Variants in TMED4 observed in about 807,000 individuals in gnomAD.
The protein encoded by TMED4 is transmembrane p24 trafficking protein 4, also known as transmembrane emp24 domain-containing protein 4.
Under a neutral mutation model 26.5 loss-of-function variants are expected in TMED4, and 19 were observed. The observed-to-expected ratio is 0.72, with a 90% CI of 0.50 to 1.05. TMED4 has a LOEUF of 1.05. Ranked by LOEUF, TMED4 falls within the 50% of genes least tolerant of loss-of-function variation. TMED4 has a pLI of 0.00. For synonymous variants in TMED4, 121 were observed against 119.8 expected (o/e 1.01, Z -0.07); for missense variants, 303 against 302.5 (o/e 1.00, Z -0.01).
Position 44,578,313 on chromosome 7 carries a change from TACA to T in TMED4, c.*1163_*1165del, listed in dbSNP as rs1802877059. Reference sequence around the variant, plus strand: ...CTTATTTCATCTCAAACACAGCTATTACAACATGTTTTATTTCACTGGAAAATT... The same window carrying T: ...CTTATTTCATCTCAAACACAGCTATTACATGTTTTATTTCACTGGAAAATT... On this transcript the variant is annotated 3_prime_UTR_variant, in exon 5 of 5. Transcript: ENST00000457408. The T allele has an allele frequency of 6.6e-6, 1 of 152,194 alleles. No individual in the cohort carries two copies. The highest frequency in any genetic ancestry group is 2.4e-5 in the African/African-American group (1 of 41,440). The allele number at this position is 152,194 out of a possible 1,614,324, so 9.4% of individuals were successfully genotyped here.
Position 44,581,207 on chromosome 7 carries a change from A to G in TMED4, c.420T>C (p.His140=). ...RVHLDIQVGE[H]ANNYPEIAAK... The stretch of plus-strand genomic sequence containing the variant: ...CAGCAATCTCAGGGTAGTTGTTGGC[A>G]TGCTCCCCAACCTGGATGTCGAGAT... Residue 140 remains histidine (H), a synonymous_variant, in exon 4 of 5, where the codon CAT becomes CAC. Coordinates refer to ENST00000457408, the MANE Select transcript of TMED4 (RefSeq NM_182547.4). 1.2e-6 allele frequency: 2 copies of G among 1,614,098 alleles called. No individual in the cohort carries two copies. Among genetic ancestry groups the G allele is most frequent in the South Asian group, 1.1e-5 (1 of 91,090 alleles).
In TMED4 at chr7:44,581,832, C is replaced by A. The variant is rs1441666679; in HGVS notation, c.161-9G>T. ...CTGGGTACGATAGTTGCCTGCGGGG[C>A]AGACACATAGTCACGACCGGCCCTA... On this transcript the variant is annotated splice_polypyrimidine_tract_variant and intron_variant, in intron 1 of 4. Coordinates refer to ENST00000457408, the MANE Select transcript of TMED4 (RefSeq NM_182547.4). 1 of 1,613,722 alleles carries A rather than the reference C, an allele frequency of 6.2e-7. No individual in the cohort carries two copies. Among genetic ancestry groups the A allele is most frequent in the East Asian group, 2.2e-5 (1 of 44,894 alleles).
intron 4 of TMED4, 191 bp from the exon 5 acceptor site, chr7:44,579,819 A>G: frequency 2.1e-6 from 1 of 473,884 alleles, no homozygotes; most frequent in Non-Finnish European, 3.7e-6. Context: ...CTCCACAAGC[A>G]TCTCTGTTAG....
intron 3 of TMED4, 21 bp downstream of exon 3, chr7:44,581,428 C>T: frequency 6.2e-7 from 1 of 1,614,038 alleles, no homozygotes; most frequent in South Asian, 1.1e-5. Context: ...TAAGCTGAAG[C>T]CAAAGAGAAA....
chr7:44,578,889 A>G lies in TMED4; in HGVS notation c.*590T>C, dbSNP rs925484104. On this transcript the variant is annotated 3_prime_UTR_variant, in exon 5 of 5. Coordinates refer to ENST00000457408, the MANE Select transcript of TMED4 (RefSeq NM_182547.4). ...AAAAAAAAAAAAAAAAAAAAAAGGAAAAACAAAACCCAGAATGCAGAAACT... is the reference window on the plus strand; with the variant it reads ...AAAAAAAAAAAAAAAAAAAAAAGGAGAAACAAAACCCAGAATGCAGAAACT... 1.3e-5 allele frequency: 2 copies of G among 151,152 alleles called. No homozygotes were observed. The highest frequency in any genetic ancestry group is 4.9e-5 in the African/African-American group (2 of 40,990). The allele number at this position is 151,152 out of a possible 1,614,324, so 9.4% of individuals were successfully genotyped here.
chr7:44,579,714 C>T (rs1802920583), intron 4 of TMED4, 86 bp from the exon 5 acceptor site: 6 of 1,407,936 alleles, frequency 4.3e-6, no homozygotes, highest in Non-Finnish European at 5.9e-6. Context: ...TACTCAACTC[C>T]AGGACCAAAC....
In TMED4 at chr7:44,581,137, G is replaced by C. The variant is rs772733157; in HGVS notation, c.490C>G (p.Leu164Val). Reference sequence around the variant, plus strand: ...TTCTGAATCTGTTCCACCTGATCAAGCAACTGGCGGGCGCGGAGCTGTAGC... The same window carrying C: ...TTCTGAATCTGTTCCACCTGATCAACCAACTGGCGGGCGCGGAGCTGTAGC... Reference protein sequence around the residue: ...TELQLRARQLLDQVEQIQKEQ... With the variant: ...TELQLRARQLVDQVEQIQKEQ... Residue 164 changes from leucine to valine, a missense_variant, in exon 4 of 5, where the codon CTT becomes GTT. Physicochemically the swap from Leu to Val is conservative, Grantham distance 32. Transcript: ENST00000457408. 1 of 1,614,144 alleles carries C rather than the reference G, an allele frequency of 6.2e-7. No individual in the cohort carries two copies. Among genetic ancestry groups the C allele is most frequent in the Non-Finnish European group, 8.5e-7 (1 of 1,180,024 alleles).
chr7:44,581,338 C>T, intron 3 of TMED4, 99 bp from the exon 4 acceptor site: 3 of 1,600,000 alleles, frequency 1.9e-6, no homozygotes, highest in Non-Finnish European at 1.7e-6. Context: ...CAGAAGGCAA[C>T]ATCTGTCTCC....
At chr7:44,580,973 C>T in intron 4 of TMED4, 120 bp downstream of exon 4, 1 of 1,159,916 alleles carries the variant, frequency 8.6e-7, no homozygotes. Flanking sequence ...AACAACCTAT[C>T]TAAACCAATA....
At chr7:44,581,932 G>T (rs1803015133) in intron 1 of TMED4, 109 bp from the exon 2 acceptor site, 2 of 1,553,366 alleles carry the variant, frequency 1.3e-6, no homozygotes, top group Non-Finnish European at 1.8e-6. Flanking sequence ...CGTCCTCGGG[G>T]CACCCTCAGG....
chr7:44,581,956 G>A (rs555992293), intron 1 of TMED4, 91 bp downstream of exon 1: 3 of 1,529,238 alleles, frequency 2.0e-6, no homozygotes, highest in African/African-American at 2.8e-5. Context: ...GGTACTGGGG[G>A]AGCCAGCGAC....
In TMED4 at chr7:44,578,051, G is replaced by A. The variant is rs1210625424; in HGVS notation, c.*1428C>T. ...AATTTGTTCAAATTTATGACTGAGA[G>A]GGCTAAGAAGGTACTTAATTTCCTC... On this transcript the variant is annotated 3_prime_UTR_variant, in exon 5 of 5. Transcript: ENST00000457408. 6.6e-6 allele frequency: 1 copy of A among 152,182 alleles called. No individual in the cohort carries two copies. The highest frequency in any genetic ancestry group is 6.6e-5 in the Admixed American group (1 of 15,266). The allele number at this position is 152,182 out of a possible 1,614,324, so 9.4% of individuals were successfully genotyped here.
chr7:44,578,060 A>G lies in TMED4; in HGVS notation c.*1419T>C, dbSNP rs1802869170. 1 of 152,208 alleles carries G rather than the reference A, an allele frequency of 6.6e-6. No individual in the cohort carries two copies. Among genetic ancestry groups the G allele is most frequent in the Non-Finnish European group, 1.5e-5 (1 of 68,036 alleles). 9.4% of individuals were successfully genotyped at this position (152,208 alleles called of 1,614,324 possible). On this transcript the variant is annotated 3_prime_UTR_variant, in exon 5 of 5. Transcript: ENST00000457408. ...AAATTTATGACTGAGAGGGCTAAGAAGGTACTTAATTTCCTCAGATGATAC... is the reference window on the plus strand; with the variant it reads ...AAATTTATGACTGAGAGGGCTAAGAGGGTACTTAATTTCCTCAGATGATAC...
rs1802910812 is a variant in TMED4, at chr7:44,579,422, G to A, written c.*57C>T. ...TAAAAATCCAGGTGGATAAAGGACT[G>A]TGTGGGGAAAGTACCAAATAAATGA... On this transcript the variant is annotated 3_prime_UTR_variant, in exon 5 of 5. Coordinates refer to ENST00000457408, the MANE Select transcript of TMED4 (RefSeq NM_182547.4). 1.9e-6 allele frequency: 3 copies of A among 1,558,370 alleles called. No individual in the cohort carries two copies. The highest frequency in any genetic ancestry group is 2.6e-6 in the Non-Finnish European group (3 of 1,142,840).
intron 4 of TMED4, chr7:44,580,111 A>C (rs1436085598): frequency 1.3e-5 from 2 of 153,466 alleles, no homozygotes; most frequent in Non-Finnish European, 2.9e-5. Flanking sequence ...GAGATAGGGT[A>C]GTCAGGATCA....
At chr7:44,579,695 G>A in intron 4 of TMED4, 67 bp from the exon 5 acceptor site, 2 of 1,549,832 alleles carry the variant, frequency 1.3e-6, no homozygotes, top group South Asian at 2.3e-5. Flanking sequence ...GTCCCTCCCT[G>A]CGTGTAATTA....
In TMED4 at chr7:44,577,915, A is replaced by G. The variant is rs1802861064; in HGVS notation, c.*1564T>C. The G allele has an allele frequency of 6.6e-6, 1 of 152,042 alleles. No individual in the cohort carries two copies. Among genetic ancestry groups the G allele is most frequent in the Non-Finnish European group, 1.5e-5 (1 of 68,000 alleles). 9.4% of individuals were successfully genotyped at this position (152,042 alleles called of 1,614,324 possible). ...AGAATTTAGTTCTGTAGGTCAGATA[A>G]TTTAATAAATATTTCAAATAAATAT... On this transcript the variant is annotated 3_prime_UTR_variant, in exon 5 of 5. Transcript: ENST00000457408.
intron 2 of TMED4, 68 bp downstream of exon 2, chr7:44,581,655 C>T: frequency 6.2e-7 from 1 of 1,612,758 alleles, no homozygotes; most frequent in Non-Finnish European, 8.5e-7. Context: ...AGGCCTCCTC[C>T]AGGCAGTGCT....
In TMED4 at chr7:44,581,585, T is replaced by C. The variant is rs764597281; in HGVS notation, c.262-11A>G. 7.8e-5 allele frequency: 126 copies of C among 1,614,020 alleles called. No homozygotes were observed. Among genetic ancestry groups the C allele is most frequent in the Non-Finnish European group, 1.0e-4 (121 of 1,180,030 alleles). ...CCGGGACAGCACCACCTGCAACATA[T>C]GTGAGTGAAGGCCCCACCTTTATAC... On this transcript the variant is annotated splice_polypyrimidine_tract_variant and intron_variant, in intron 2 of 4. Transcript: ENST00000457408.
Sources: allele counts gnomAD v4.1 joint callset, GRCh38; gene constraint gnomAD v4.1.1; transcripts MANE v1.5; gene names NCBI Gene and HGNC (gene_info 2026-07-23, HGNC 2026-07-21).